The following ZNF850 variants were observed in gnomAD, a reference collection of about 807,000 sequenced individuals.
ZNF850 encodes the protein putative zinc finger protein ENSP00000330994.
In ZNF850, 2 loss-of-function variants were observed where a neutral mutation model predicts 11.9. The ratio of observed to expected loss-of-function variants is 0.17; its 90% CI spans 0.07 to 0.53. The LOEUF is 0.53. Among genes scored for constraint, ZNF850 ranks in the 20% least tolerant of loss-of-function variants. ZNF850 has a pLI of 0.94. For missense variants in ZNF850, 1,014 were observed against 1,316.4 expected, an observed-to-expected ratio of 0.77 and a Z score of 3.55; for synonymous variants, 381 against 443.0, an observed-to-expected ratio of 0.86 and a Z score of 1.76.
chr19:36,755,692 T>TA lies in ZNF850; in HGVS notation c.236-4889dup, dbSNP rs1301967573. On this transcript the variant is annotated intron_variant, in intron 4 of 4. Coordinates refer to ENST00000591344, the MANE Select transcript of ZNF850 (RefSeq NM_001193552.2). ...CAAGGAAAGAGAGAGCACTTCGCAA[T>TA]AAAAAAAAAAAACAAAAAACAAAAA... Among the ~76,000 whole-genome samples, 433 of 105,250 alleles carry TA rather than the reference T, an allele frequency of 4.1e-3. 1 individual carries two copies. The highest frequency in any genetic ancestry group is 0.012 in the East Asian group (46 of 3,884). 69.0% of individuals were successfully genotyped at this position (105,250 alleles called of 152,430 possible). A position where few individuals can be genotyped will look rare whatever the true frequency, so the allele number is the denominator to read the frequency against.
At position 36,749,671 on chromosome 19, in the gene ZNF850, A is replaced by G; in HGVS notation, c.1369T>C (p.Ser457Pro). ...AGTAGTGCTGAGCCCGAAGCAAAAG[A>G]TTTCCCACACTCCTTACAATCATAG... is the stretch of plus-strand genomic sequence containing the variant. ...KPYDCKECGK[S>P]FASGSALLQH... Residue 457 changes from serine (S) to proline (P), a missense_variant, in exon 5 of 5, where the codon TCT becomes CCT. Around this residue, in one of 2 missense-constraint regions of ZNF850, gnomAD observed 835 missense variants for 1,022.0 expected, o/e 0.82. Coordinates refer to ENST00000591344, the MANE Select transcript of ZNF850 (RefSeq NM_001193552.2). 2 of 1,557,152 alleles carry G rather than the reference A, an allele frequency of 1.3e-6. No individual in the cohort carries two copies. Among genetic ancestry groups the G allele is most frequent in the Non-Finnish European group, 1.7e-6 (2 of 1,153,710 alleles).
chr19:36,749,848 A>T lies in ZNF850; in HGVS notation c.1192T>A (p.Cys398Ser). Residue 398 changes from cysteine to serine, a missense_variant, in exon 5 of 5, where the codon TGT (cysteine) becomes AGT (serine). Coordinates refer to ENST00000591344, the MANE Select transcript of ZNF850 (RefSeq NM_001193552.2). ...TGEKPYDCKE[C>S]GKSFTFRSGL... ...GAGCGAAAAGTAAAAGATTTCCCAC[A>T]TTCCTTACAATCATAGGGTTTCTCA... 1 of 1,576,726 alleles carries T rather than the reference A, an allele frequency of 6.3e-7. No homozygotes were observed. The highest frequency in any genetic ancestry group is 8.6e-7 in the Non-Finnish European group (1 of 1,163,708).
At position 36,745,179 on chromosome 19, in the gene ZNF850, A is replaced by ACG. The variant is rs371950682; in HGVS notation, c.*2587_*2588insCG. 1 of 150,734 alleles carries ACG rather than the reference A, an allele frequency of 6.6e-6. No homozygotes were observed. The highest frequency in any genetic ancestry group is 1.5e-5 in the Non-Finnish European group (1 of 67,656). 9.3% of individuals were successfully genotyped at this position (150,734 alleles called of 1,614,324 possible). On this transcript the variant is annotated 3_prime_UTR_variant, in exon 5 of 5. Transcript: ENST00000591344. ...CCTTAAAATAACCTTCTTAAAAGAT[A>ACG]TGTGTGTGTGTGTGTGTGTATATAA... is the stretch of plus-strand genomic sequence containing the variant.
chr19:36,750,453 A>G lies in ZNF850; in HGVS notation c.587T>C (p.Leu196Pro), dbSNP rs2040446918. The change falls in exon 5 of 5, where the codon CTC (leucine) becomes CCC (proline). Residue 196 changes from leucine to proline, a missense_variant. Leu to Pro is a moderately conservative substitution (Grantham distance 98). This residue lies in a region of ZNF850 where 835 missense variants were observed against 1,022.0 expected (regional missense o/e 0.82). Coordinates refer to ENST00000591344, the MANE Select transcript of ZNF850 (RefSeq NM_001193552.2). ...CTTCCCACACTCCTTACATTTATAGAGTTTTTCACCAGTATGGGTTTCTTG... is the reference window on the plus strand; with the variant it reads ...CTTCCCACACTCCTTACATTTATAGGGTTTTTCACCAGTATGGGTTTCTTG... ...QQQETHTGEK[L>P]YKCKECGKAF... 1 of 1,536,472 alleles carries G rather than the reference A, an allele frequency of 6.5e-7. No individual in the cohort carries two copies. The highest frequency in any genetic ancestry group is 1.2e-5 in the South Asian group (1 of 84,064).
chr19:36,754,659 G>A (rs754558547), intron 4 of ZNF850, among the ~76,000 whole-genome samples: 21 of 151,928 alleles, frequency 1.4e-4, no homozygotes, highest in Non-Finnish European at 2.5e-4. Context: ...GAGTTCAAGC[G>A]ATTCTCCTGC....
intron 1 of ZNF850, among the ~76,000 whole-genome samples, chr19:36,764,726 T>C (rs1373346594): frequency 7.8e-5 from 5 of 63,722 alleles, no homozygotes; most frequent in African/African-American, 4.1e-4. Flanking sequence ...TTCCTTTCCC[T>C]TTTTTTTTTT....
Position 36,747,940 on chromosome 19 carries a change from C to T in ZNF850, c.3100G>A (p.Glu1034Lys), listed in dbSNP as rs1476083896. ...LSQHKRIHTG[E>K]KTYQCPECGK... ...CATTCCGGACATTGATAAGTTTTCTCACCAGTATGGATTCGTTTATGTTGA... is the reference window on the plus strand; with the variant it reads ...CATTCCGGACATTGATAAGTTTTCTTACCAGTATGGATTCGTTTATGTTGA... The change falls in exon 5 of 5, where the codon GAG (glutamate) becomes AAG (lysine). Residue 1034 changes from glutamate to lysine, a missense_variant. This residue lies in a region of ZNF850 where 179 missense variants were observed against 294.4 expected (regional missense o/e 0.61). Coordinates refer to ENST00000591344, the MANE Select transcript of ZNF850 (RefSeq NM_001193552.2). 1.9e-6 allele frequency: 3 copies of T among 1,570,800 alleles called. No homozygotes were observed. The highest frequency in any genetic ancestry group is 2.3e-5 in the South Asian group (2 of 86,682).
intron 1 of ZNF850, among the ~76,000 whole-genome samples, chr19:36,765,570 T>A (rs1018376521): frequency 2.2e-4 from 32 of 148,768 alleles, no homozygotes; most frequent in Admixed American, 1.4e-4. Context: ...TAAGTACTTA[T>A]CCAAAGTAAA....
At chr19:36,753,776 G>A (rs1291137438) in intron 4 of ZNF850, among the ~76,000 whole-genome samples, 2 of 152,074 alleles carry the variant, frequency 1.3e-5, no homozygotes, top group African/African-American at 4.8e-5. Flanking sequence ...ATTTGCAAAT[G>A]AGGACCAGAG....
Position 36,749,847 on chromosome 19 carries a change from C to T in ZNF850, c.1193G>A (p.Cys398Tyr), listed in dbSNP as rs745782099. Reference sequence around the variant, plus strand: ...TGAGCGAAAAGTAAAAGATTTCCCACATTCCTTACAATCATAGGGTTTCTC... The same window carrying T: ...TGAGCGAAAAGTAAAAGATTTCCCATATTCCTTACAATCATAGGGTTTCTC... ...TGEKPYDCKECGKSFTFRSGL... is the reference protein window; with the variant it reads ...TGEKPYDCKEYGKSFTFRSGL... Residue 398 changes from cysteine to tyrosine, a missense_variant, in exon 5 of 5, where the codon TGT becomes TAT. By Grantham distance (194) the Cys-to-Tyr change is radical (BLOSUM62 -2). This residue lies in a region of ZNF850 where 835 missense variants were observed against 1,022.0 expected (regional missense o/e 0.82). Coordinates refer to ENST00000591344, the MANE Select transcript of ZNF850 (RefSeq NM_001193552.2). 6.3e-7 allele frequency: 1 copy of T among 1,576,548 alleles called. No homozygotes were observed. Among genetic ancestry groups the T allele is most frequent in the South Asian group, 1.2e-5 (1 of 86,848 alleles).
rs1050121180 is a variant in ZNF850 at position 36,753,739 on chromosome 19, C to T, written c.236-2935G>A. ...TTACTATATAAGCTCATTTAATCTTCAGAAGAATCCTGTGAATAGCATATA... is the reference window on the plus strand; with the variant it reads ...TTACTATATAAGCTCATTTAATCTTTAGAAGAATCCTGTGAATAGCATATA... On this transcript the variant is annotated intron_variant, in intron 4 of 4. Transcript: ENST00000591344. Among the ~76,000 whole-genome samples, 11 of 152,022 alleles carry T rather than the reference C, an allele frequency of 7.2e-5. No homozygotes were observed. In the South Asian group the frequency reaches 2.1e-3, roughly 29 times the overall value.
intron 1 of ZNF850, among the ~76,000 whole-genome samples, 155 bp from the exon 2 acceptor site, chr19:36,762,830 C>G (rs1254500732): frequency 6.6e-6 from 1 of 151,650 alleles, no homozygotes; most frequent in Non-Finnish European, 1.5e-5. Flanking sequence ...GCTTAATAAA[C>G]AGGCACTCCT....
chr19:36,749,176 A>G lies in ZNF850; in HGVS notation c.1864T>C (p.Cys622Arg). The G allele has an allele frequency of 6.2e-7, 1 of 1,605,858 alleles. No homozygotes were observed. The highest frequency in any genetic ancestry group is 8.5e-7 in the Non-Finnish European group (1 of 1,177,640). ...TGEKPYDCKE[C>R]GKAFRLRLRL... ...AAACGAAGTCTAAAGGCCTTCCCAC[A>G]TTCCTTACAATCATAAGGTTTCTCA... The change falls in exon 5 of 5, where the codon TGT becomes CGT. Residue 622 changes from cysteine (C) to arginine (R), a missense_variant. By Grantham distance (180) the Cys-to-Arg change is radical. Transcript: ENST00000591344.
Position 36,762,378 on chromosome 19 carries a change from C to G in ZNF850, c.66G>C (p.Glu22Asp). The G allele has an allele frequency of 6.3e-7, 1 of 1,585,518 alleles. No homozygotes were observed. The highest frequency in any genetic ancestry group is 2.3e-5 in the East Asian group (1 of 44,310). The change falls in exon 3 of 5, where the codon GAG becomes GAC. Residue 22 changes from glutamate (E) to aspartate (D), a missense_variant. By Grantham distance (45) the Glu-to-Asp change is conservative (BLOSUM62 2). Coordinates refer to ENST00000591344, the MANE Select transcript of ZNF850 (RefSeq NM_001193552.2). ...LSIDFSQEEW[E>D]CLDAAQKDLY... ...AGTCCTTCTGAGCAGCGTCCAGGCACTCCCATTCCTCCTGAGAGAAGTCTA... is the reference window on the plus strand; with the variant it reads ...AGTCCTTCTGAGCAGCGTCCAGGCAGTCCCATTCCTCCTGAGAGAAGTCTA...
chr19:36,747,673 A>G lies in ZNF850; in HGVS notation c.*94T>C. The G allele has an allele frequency of 8.2e-7, 1 of 1,226,572 alleles. No individual in the cohort carries two copies. The highest frequency in any genetic ancestry group is 1.1e-6 in the Non-Finnish European group (1 of 924,442). 76.0% of individuals were successfully genotyped at this position (1,226,572 alleles called of 1,614,324 possible). ...AAAAGTCGTAATTCTGGAAAAAGTG[A>G]ATATGAAGTAATACACATCCATTGT... is the stretch of plus-strand genomic sequence containing the variant. On this transcript the variant is annotated 3_prime_UTR_variant, in exon 5 of 5. Coordinates refer to ENST00000591344, the MANE Select transcript of ZNF850 (RefSeq NM_001193552.2).
At chr19:36,752,480 A>G (rs1165289473) in intron 4 of ZNF850, among the ~76,000 whole-genome samples, 2 of 152,230 alleles carry the variant, frequency 1.3e-5, no homozygotes, top group African/African-American at 4.8e-5. Context: ...ATGTAATTAC[A>G]ATAAATCACA....
At position 36,749,971 on chromosome 19, in the gene ZNF850, G is replaced by A. The variant is rs752671218; in HGVS notation, c.1069C>T (p.Arg357Ter). 1.0e-5 allele frequency: 16 copies of A among 1,564,080 alleles called. No individual in the cohort carries two copies. The Admixed American group carries it at 1.1e-4, about 11-fold the overall frequency. ...TAGGGTTTCTCACCAGTGTGAATTC[G>A]CTGATGTCGAATTAGTGCTGAGCCT... ...ASGSALIRHQRIHTGEKPYDC... is the reference protein window; with the variant it reads ...ASGSALIRHQ Residue 357 changes from arginine to a stop codon, truncating the protein, a stop_gained, in exon 5 of 5, where the codon CGA becomes TGA. Transcript: ENST00000591344. LOFTEE classifies it low-confidence loss of function (END_TRUNC).
Position 36,750,290 on chromosome 19 carries a change from C to G in ZNF850, c.750G>C (p.Glu250Asp). ...LIQHQKMYTDERPHECQESVK... is the reference protein window; with the variant it reads ...LIQHQKMYTDDRPHECQESVK... ...CGGATTCCTGACACTCATGAGGTCT[C>G]TCATCTGTATACATTTTCTGGTGTT... The change falls in exon 5 of 5, where the codon GAG (glutamate) becomes GAC (aspartate). Residue 250 changes from glutamate (E) to aspartate (D), a missense_variant. This residue lies in a region of ZNF850 where 835 missense variants were observed against 1,022.0 expected (regional missense o/e 0.82). Transcript: ENST00000591344. 1 of 1,536,840 alleles carries G rather than the reference C, an allele frequency of 6.5e-7. No homozygotes were observed.
chr19:36,757,518 T>G (rs1310556231), intron 4 of ZNF850, among the ~76,000 whole-genome samples: 1 of 146,592 alleles, frequency 6.8e-6, no homozygotes, highest in Admixed American at 6.8e-5. Flanking sequence ...TTTTTTTTTT[T>G]TTTTTTGAGA....
Sources: allele counts gnomAD v4.1 joint callset (sites outside exome capture counted in the v4.1 genomes callset), GRCh38; gene constraint gnomAD v4.1.1; regional missense constraint gnomAD v4.1.1; transcripts MANE v1.5; gene names NCBI Gene and HGNC (gene_info 2026-07-23, HGNC 2026-07-21).